The following CDK14 variants were observed in gnomAD, a reference collection of about 807,000 sequenced individuals.
CDK14 encodes the protein cyclin dependent kinase 14, also known as cyclin-dependent kinase 14.
In CDK14, 34 loss-of-function variants were observed where a neutral mutation model predicts 60.7. The ratio of observed to expected loss-of-function variants is 0.56; its 90% CI spans 0.43 to 0.75. The LOEUF is 0.75. Among genes scored for constraint, CDK14 ranks in the 30% least tolerant of loss-of-function variants. CDK14 has a pLI of 0.00. For missense variants in CDK14, 482 were observed against 564.1 expected (o/e 0.85, Z 1.47); for synonymous variants, 197 against 203.7 (o/e 0.97, Z 0.28).
At chr7:90,639,245 C>T (rs1800250807) in intron 2 of CDK14, among the ~76,000 whole-genome samples, 4 of 151,982 alleles carry the variant, frequency 2.6e-5, no homozygotes, top group African/African-American at 9.7e-5. Flanking sequence ...TGTTTTTTCC[C>T]CATCTTTGTG....
At chr7:91,055,559 G>C (rs1191634810) in intron 11 of CDK14, among the ~76,000 whole-genome samples, 1 of 152,056 alleles carries the variant, frequency 6.6e-6, no homozygotes, top group African/African-American at 2.4e-5. Context: ...CAAATAAACT[G>C]GTTTTATTAG....
intron 8 of CDK14, among the ~76,000 whole-genome samples, chr7:90,946,939 G>A (rs1335961933): frequency 2.6e-5 from 4 of 152,128 alleles, no homozygotes; most frequent in African/African-American, 7.2e-5. Context: ...CCATTTATGT[G>A]TCTACTGCCT....
chr7:90,683,897 CGTGTGTGTGTGTGTGTGTGT>C (rs35197919), intron 2 of CDK14, among the ~76,000 whole-genome samples: 1 of 145,656 alleles, frequency 6.9e-6, no homozygotes, highest in Admixed American at 6.8e-5. Context: ...AGAAAATGTA[CGTGTGTGTGTGTGTGTGTGT>C]GTGTGTGTGT....
chr7:90,951,045 C>A (rs1794244211), intron 8 of CDK14, among the ~76,000 whole-genome samples: 1 of 152,098 alleles, frequency 6.6e-6, no homozygotes, highest in Non-Finnish European at 1.5e-5. Context: ...AAATGAGATT[C>A]TTGGCCAGTC....
chr7:90,790,776 T>C (rs1805800455), intron 5 of CDK14, 124 bp downstream of exon 5: 1 of 568,140 alleles, frequency 1.8e-6, no homozygotes, highest in Admixed American at 3.6e-5. Context: ...CATTAAAATG[T>C]GTAAACTGAA....
intron 8 of CDK14, among the ~76,000 whole-genome samples, chr7:90,931,139 A>G (rs1490976788): frequency 1.3e-5 from 2 of 152,250 alleles, no homozygotes; most frequent in Non-Finnish European, 2.9e-5. Flanking sequence ...ATCTCCCTCA[A>G]TAATAAAATT....
intron 2 of CDK14, chr7:90,710,013 C>T: frequency 1.1e-6 from 1 of 936,286 alleles, no homozygotes; most frequent in Non-Finnish European, 1.3e-6. Flanking sequence ...AGCATCTCGG[C>T]AAGTCTGAAT....
At chr7:90,934,583 G>C (rs1793694169) in intron 8 of CDK14, among the ~76,000 whole-genome samples, 1 of 152,172 alleles carries the variant, frequency 6.6e-6, no homozygotes, top group Admixed American at 6.5e-5. Flanking sequence ...TTCTAACTTT[G>C]TCACCAGTTA....
chr7:91,180,488 A>G (rs1774964785), intron 14 of CDK14, among the ~76,000 whole-genome samples: 1 of 136,390 alleles, frequency 7.3e-6, no homozygotes, highest in Non-Finnish European at 1.5e-5. Flanking sequence ...ATGCATAGAA[A>G]GAAGACTGAA....
intron 2 of CDK14, among the ~76,000 whole-genome samples, chr7:90,719,638 A>G (rs1802372574): frequency 6.6e-6 from 1 of 152,204 alleles, no homozygotes; most frequent in Non-Finnish European, 1.5e-5. Context: ...GACCAAATTA[A>G]TCGCTTCAGA....
At chr7:90,990,513 A>G (rs540545560) in intron 10 of CDK14, among the ~76,000 whole-genome samples, 7 of 152,314 alleles carry the variant, frequency 4.6e-5, no homozygotes, top group African/African-American at 1.4e-4. Context: ...ATCTATAGGC[A>G]TAGTCATTTA....
At chr7:91,156,046 T>G (rs1169748127) in intron 14 of CDK14, among the ~76,000 whole-genome samples, 1 of 152,208 alleles carries the variant, frequency 6.6e-6, no homozygotes, top group Non-Finnish European at 1.5e-5. Flanking sequence ...CCATAATCAG[T>G]TCGCTGTTAT....
chr7:90,638,206 A>G (rs6971652), intron 2 of CDK14, among the ~76,000 whole-genome samples: 46,983 of 151,872 alleles, frequency 0.31, 8,185 homozygotes, highest in East Asian at 0.67. Context: ...TCGTTAGTTG[A>G]TGCAGTTTCT....
At chr7:91,018,136 G>A (rs1334752670) in intron 10 of CDK14, among the ~76,000 whole-genome samples, 1 of 152,220 alleles carries the variant, frequency 6.6e-6, no homozygotes. Flanking sequence ...AGGAAGGAAA[G>A]GAAGCCATCT....
intron 5 of CDK14, among the ~76,000 whole-genome samples, chr7:90,805,391 C>T (rs1788784508): frequency 6.6e-6 from 1 of 151,738 alleles, no homozygotes; most frequent in African/African-American, 2.4e-5. Flanking sequence ...AACACCTATT[C>T]GTGTTAAAGG....
chr7:90,693,975 T>C (rs1362499815), intron 2 of CDK14, among the ~76,000 whole-genome samples: 1 of 152,194 alleles, frequency 6.6e-6, no homozygotes, highest in East Asian at 1.9e-4. Flanking sequence ...TTAAGTCATT[T>C]GGGTGAGGAG....
At chr7:90,801,985 C>T (rs898224614) in intron 5 of CDK14, among the ~76,000 whole-genome samples, 2 of 152,214 alleles carry the variant, frequency 1.3e-5, no homozygotes, top group African/African-American at 4.8e-5. Context: ...CTCTTGCACT[C>T]AGGCTCCTGA....
intron 14 of CDK14, among the ~76,000 whole-genome samples, chr7:91,171,421 C>T (rs1393759255): frequency 6.6e-6 from 1 of 152,060 alleles, no homozygotes; most frequent in Non-Finnish European, 1.5e-5. Context: ...TTTGCTATGA[C>T]TAGTGTTGTT....
chr7:90,955,915 G>C, intron 9 of CDK14, 98 bp downstream of exon 9: 1 of 1,403,690 alleles, frequency 7.1e-7, no homozygotes, highest in Non-Finnish European at 9.8e-7. Flanking sequence ...AAGATTAATG[G>C]TGCAGGAGTG....
Sources: allele counts gnomAD v4.1 joint callset (sites outside exome capture counted in the v4.1 genomes callset), GRCh38; gene constraint gnomAD v4.1.1; transcripts MANE v1.5; gene names NCBI Gene and HGNC (gene_info 2026-07-23, HGNC 2026-07-21).